PLAA: variants seen among roughly 807,000 people sequenced by gnomAD.
PLAA encodes the protein phospholipase A2 activating protein.
Under a neutral mutation model 84.1 loss-of-function variants are expected in PLAA, and 48 were observed. The observed-to-expected ratio is 0.57, with a 90% confidence interval of 0.45 to 0.73. The LOEUF (loss-of-function observed/expected upper bound fraction) is 0.73. Ranked by LOEUF, PLAA falls within the 30% of genes least tolerant of loss-of-function variation. PLAA has a pLI of 0.00. For synonymous variants in PLAA, 392 were observed against 336.6 expected (o/e 1.16, Z -1.80); for missense variants, 903 against 954.7 (o/e 0.95, Z 0.71).
chr9:26,928,184 G>T lies in PLAA; in HGVS notation c.481C>A (p.Pro161Thr). Reference sequence around the variant, plus strand: ...CCAGTCAACATTAAGCCCTGTTCAGGTAAGATCTTTACCGCCCACACTGCA... The same window carrying T: ...CCAGTCAACATTAAGCCCTGTTCAGTTAAGATCTTTACCGCCCACACTGCA... ...TAAVWAVKIL[P>T]EQGLMLTGSA... The change falls in exon 4 of 14, where the codon CCT becomes ACT. Residue 161 changes from proline to threonine, a missense_variant. Physicochemically the swap from Pro to Thr is conservative, Grantham distance 38. Coordinates refer to ENST00000397292, the MANE Select transcript of PLAA (RefSeq NM_001031689.3). The T allele has an allele frequency of 6.2e-7, 1 of 1,614,144 alleles. No individual in the cohort carries two copies. Among genetic ancestry groups the T allele is most frequent in the East Asian group, 2.2e-5 (1 of 44,880 alleles).
intron 1 of PLAA, among the ~76,000 whole-genome samples, chr9:26,941,770 A>AAG (rs979266084): frequency 1.3e-4 from 20 of 152,096 alleles, no homozygotes; most frequent in African/African-American, 2.2e-4. Context: ...AAAAAAAAAA[A>AAG]AGAGAGAAAT....
intron 1 of PLAA, among the ~76,000 whole-genome samples, chr9:26,939,484 CAAAA>C (rs58833364): frequency 5.7e-4 from 44 of 76,914 alleles, no homozygotes; most frequent in African/African-American, 1.6e-3. Flanking sequence ...GATGAGAGAC[CAAAA>C]AAAAAAAAAA....
At chr9:26,910,686 CT>C (rs1177522216) in intron 11 of PLAA, among the ~76,000 whole-genome samples, 4 of 151,800 alleles carry the variant, frequency 2.6e-5, no homozygotes, top group Non-Finnish European at 5.9e-5. Context: ...CTTTTTACTT[CT>C]TTTTTTTCTT....
At chr9:26,923,747 C>T (rs1442351528) in intron 6 of PLAA, among the ~76,000 whole-genome samples, 2 of 152,080 alleles carry the variant, frequency 1.3e-5, no homozygotes, top group Non-Finnish European at 2.9e-5. Context: ...GTTCAGTAGA[C>T]AAATATGGTC....
In PLAA at chr9:26,906,449, G is replaced by A. The variant is rs867534976; in HGVS notation, c.1823-373C>T. On this transcript the variant is annotated intron_variant, in intron 13 of 13. Coordinates refer to ENST00000397292, the MANE Select transcript of PLAA (RefSeq NM_001031689.3). Reference sequence around the variant, plus strand: ...TTTTTTTTTTTTTTTTTTTTTTTGAGACAGTTTCACTCCTGTTGCCCAGGC... The same window carrying A: ...TTTTTTTTTTTTTTTTTTTTTTTGAAACAGTTTCACTCCTGTTGCCCAGGC... Among the ~76,000 whole-genome samples the A allele has an allele frequency of 3.0e-3, 330 of 110,306 alleles. 2 individuals carry two copies. The highest frequency in any genetic ancestry group is 0.012 in the African/African-American group (319 of 27,164). 72.4% of individuals were successfully genotyped at this position (110,306 alleles called of 152,430 possible).
chr9:26,934,279 C>T lies in PLAA; in HGVS notation c.343+734G>A, dbSNP rs143223668. Among the ~76,000 whole-genome samples, 192 of 152,242 alleles carry T rather than the reference C, an allele frequency of 1.3e-3. 2 individuals are homozygous for T. In the East Asian group the frequency reaches 0.027, roughly 21 times the overall value. Reference sequence around the variant, plus strand: ...GAATTATCACAGAATCAGGAATATACACAAATCACAGAAAATAATATTCAA... The same window carrying T: ...GAATTATCACAGAATCAGGAATATATACAAATCACAGAAAATAATATTCAA... On this transcript the variant is annotated intron_variant, in intron 2 of 13. Coordinates refer to ENST00000397292, the MANE Select transcript of PLAA (RefSeq NM_001031689.3).
chr9:26,919,251 C>T, intron 9 of PLAA, 59 bp downstream of exon 9: 2 of 1,066,502 alleles, frequency 1.9e-6, no homozygotes, highest in Non-Finnish European at 2.7e-6. Context: ...TTGAAAACAT[C>T]AAAAAAATCA....
Position 26,925,928 on chromosome 9 carries a change from T to A in PLAA, c.766A>T (p.Arg256Ter). Reference protein sequence around the residue: ...FVTTAEDRSLRIWKHGECAQT... With the variant: ...FVTTAEDRSL Reference sequence around the variant, plus strand: ...GCACATTCCCCATGTTTCCAGATTCTCAGAGATCTGTCCTCTGCTGTTGTC... The same window carrying A: ...GCACATTCCCCATGTTTCCAGATTCACAGAGATCTGTCCTCTGCTGTTGTC... Residue 256 changes from arginine (R) to a stop codon, truncating the protein, a stop_gained, in exon 6 of 14, where the codon AGA becomes TGA. Coordinates refer to ENST00000397292, the MANE Select transcript of PLAA (RefSeq NM_001031689.3). LOFTEE classifies it high-confidence loss of function. 1 of 1,613,552 alleles carries A rather than the reference T, an allele frequency of 6.2e-7. No individual in the cohort carries two copies.
At chr9:26,930,307 T>C (rs1469433684) in intron 2 of PLAA, among the ~76,000 whole-genome samples, 1 of 152,106 alleles carries the variant, frequency 6.6e-6, no homozygotes, top group Non-Finnish European at 1.5e-5. Flanking sequence ...GGTTTCACCG[T>C]GTTAGCTAGG....
At position 26,905,475 on chromosome 9, in the gene PLAA, TA is replaced by T. The variant is rs1824198978; in HGVS notation, c.*35del. ...ATGTCAAATGTGAGGAAAAAAACAC[TA>T]ATCAATTAAAAATATCCGTCCCTCT... On this transcript the variant is annotated 3_prime_UTR_variant, in exon 14 of 14. Coordinates refer to ENST00000397292, the MANE Select transcript of PLAA (RefSeq NM_001031689.3). 9 of 1,408,272 alleles carry T rather than the reference TA, an allele frequency of 6.4e-6. No homozygotes were observed. The East Asian group carries it at 2.1e-4, about 32-fold the overall frequency. 87.2% of individuals were successfully genotyped at this position (1,408,272 alleles called of 1,614,324 possible).
chr9:26,942,220 C>T (rs1160354146), intron 1 of PLAA, among the ~76,000 whole-genome samples: 1 of 152,008 alleles, frequency 6.6e-6, no homozygotes, highest in East Asian at 1.9e-4. Context: ...AATAAGGCAA[C>T]AAGGAAGAAA....
chr9:26,929,354 T>C (rs1299900340), intron 2 of PLAA, among the ~76,000 whole-genome samples: 3 of 151,748 alleles, frequency 2.0e-5, no homozygotes, highest in Non-Finnish European at 2.9e-5. Context: ...TAGTCAGACA[T>C]GGTGTCACGC....
chr9:26,929,710 T>G lies in PLAA; in HGVS notation c.344-1302A>C, dbSNP rs188082649. ...TGCACTGCTTCCTCTTCTGAATGAG[T>G]GTTTGCTCTGATTATCCTATTCCTT... On this transcript the variant is annotated intron_variant, in intron 2 of 13. Coordinates refer to ENST00000397292, the MANE Select transcript of PLAA (RefSeq NM_001031689.3). Among the ~76,000 whole-genome samples the G allele has an allele frequency of 3.3e-5, 5 of 152,292 alleles. No individual in the cohort carries two copies. In the East Asian group the frequency reaches 9.7e-4, roughly 29 times the overall value.
intron 10 of PLAA, chr9:26,915,780 A>AT: frequency 2.0e-6 from 2 of 985,430 alleles, no homozygotes; most frequent in South Asian, 9.4e-5. Context: ...TGCTCTGGTT[A>AT]TAATGGCCCC....
chr9:26,946,260 C>T (rs911806727), intron 1 of PLAA, among the ~76,000 whole-genome samples: 3 of 151,292 alleles, frequency 2.0e-5, no homozygotes, highest in Admixed American at 6.6e-5. Flanking sequence ...TGATTCCTAA[C>T]CTTTTTCTTC....
At chr9:26,926,947 C>A (rs1824988770) in intron 4 of PLAA, among the ~76,000 whole-genome samples, 1 of 151,506 alleles carries the variant, frequency 6.6e-6, no homozygotes, top group African/African-American at 2.4e-5. Context: ...AATTTAAGAA[C>A]AAAACATTCT....
intron 11 of PLAA, among the ~76,000 whole-genome samples, chr9:26,913,053 T>TCC (rs1824446200): frequency 6.6e-6 from 1 of 152,120 alleles, no homozygotes; most frequent in African/African-American, 2.4e-5. Flanking sequence ...CAAGATCCCA[T>TCC]CTCAAAAGTA....
At position 26,905,392 on chromosome 9, in the gene PLAA, G is replaced by T; in HGVS notation, c.*119C>A. On this transcript the variant is annotated 3_prime_UTR_variant, in exon 14 of 14. Transcript: ENST00000397292. ...GTTTCCCCTCCCCACCACTTTACAAGATGTAAAATTTTACTTAATCCACCG... is the reference window on the plus strand; with the variant it reads ...GTTTCCCCTCCCCACCACTTTACAATATGTAAAATTTTACTTAATCCACCG... 1.3e-6 allele frequency: 1 copy of T among 771,076 alleles called. No individual in the cohort carries two copies. The highest frequency in any genetic ancestry group is 2.1e-6 in the Non-Finnish European group (1 of 487,216). The allele number at this position is 771,076 out of a possible 1,614,324, so 47.8% of individuals were successfully genotyped here. A position where few individuals can be genotyped will look rare whatever the true frequency, so the allele number is the denominator to read the frequency against.
In PLAA at chr9:26,903,395, T is replaced by C. The variant is rs899992945; in HGVS notation, c.*2116A>G. Reference sequence around the variant, plus strand: ...TATGATAGAATATTGTATTTATTAATGTGGAGCTCTTTGTACCAAATATAA... The same window carrying C: ...TATGATAGAATATTGTATTTATTAACGTGGAGCTCTTTGTACCAAATATAA... On this transcript the variant is annotated 3_prime_UTR_variant, in exon 14 of 14. Transcript: ENST00000397292. Among the ~76,000 whole-genome samples the C allele has an allele frequency of 1.3e-5, 2 of 152,238 alleles. No individual in the cohort carries two copies. Among genetic ancestry groups the C allele is most frequent in the East Asian group, 3.8e-4 (2 of 5,202 alleles).
Sources: allele counts gnomAD v4.1 joint callset (sites outside exome capture counted in the v4.1 genomes callset), GRCh38; gene constraint gnomAD v4.1.1; transcripts MANE v1.5; gene names NCBI Gene and HGNC (gene_info 2026-07-23, HGNC 2026-07-21).